Variants in ITGAE observed in about 807,000 individuals in gnomAD.
ITGAE encodes integrin subunit alpha E, also known as integrin alpha-E.
In ITGAE, 99 loss-of-function variants were observed where a neutral mutation model predicts 136.5. The ratio of observed to expected loss-of-function variants is 0.73; its 90% CI spans 0.62 to 0.86. The LOEUF (loss-of-function observed/expected upper bound fraction) is 0.86. Ranked by LOEUF, ITGAE falls within the 40% of genes least tolerant of loss-of-function variation. The probability of loss-of-function intolerance (pLI) is 0.00; values close to 1 mark genes in which losing one functional copy is unlikely to be tolerated. For synonymous variants in ITGAE, 613 were observed against 591.8 expected, an observed-to-expected ratio of 1.04 and a Z score of -0.52; for missense variants, 1,447 against 1,515.3, an observed-to-expected ratio of 0.95 and a Z score of 0.75.
intron 2 of ITGAE, among the ~76,000 whole-genome samples, chr17:3,772,467 CT>C (rs72134638): frequency 2.5e-3 from 350 of 137,336 alleles, no homozygotes; most frequent in East Asian, 4.9e-3. Flanking sequence ...GGTGAGCAGA[CT>C]TTTTTTTTTT....
chr17:3,728,237 T>G, intron 24 of ITGAE, 69 bp from the exon 25 acceptor site: 8 of 1,209,238 alleles, frequency 6.6e-6, no homozygotes, highest in Non-Finnish European at 9.9e-6. Flanking sequence ...AGGGTCTCAC[T>G]CTGTTGCCCA....
At chr17:3,724,426 T>C in intron 26 of ITGAE, 2 of 1,613,204 alleles carry the variant, frequency 1.2e-6, no homozygotes, top group Non-Finnish European at 1.7e-6. Flanking sequence ...GAGCTGGGCA[T>C]CAGTGCCTCC....
At chr17:3,772,906 C>CCA (rs1346858137) in intron 2 of ITGAE, among the ~76,000 whole-genome samples, 1 of 152,156 alleles carries the variant, frequency 6.6e-6, no homozygotes, top group Non-Finnish European at 1.5e-5. Context: ...GGTTTTCCCT[C>CCA]CACACGGGGC....
chr17:3,792,161 G>A, intron 1 of ITGAE, among the ~76,000 whole-genome samples: 1 of 152,120 alleles, frequency 6.6e-6, no homozygotes, highest in Non-Finnish European at 1.5e-5. Context: ...TGGCCCTGTT[G>A]CCCAGGCTGG....
At chr17:3,747,293 A>G (rs780465022) in intron 17 of ITGAE, among the ~76,000 whole-genome samples, 5 of 151,742 alleles carry the variant, frequency 3.3e-5, no homozygotes, top group Non-Finnish European at 7.4e-5. Flanking sequence ...ACACGTGGGC[A>G]TGGAGAAATG....
In ITGAE at chr17:3,750,462, C is replaced by A; in HGVS notation, c.1914G>T (p.Val638=). The A allele has an allele frequency of 6.2e-7, 1 of 1,614,134 alleles. No individual in the cohort carries two copies. The highest frequency in any genetic ancestry group is 1.7e-5 in the Admixed American group (1 of 60,026). Residue 638 remains valine, a synonymous_variant, in exon 16 of 31, where the codon GTG becomes GTT. Transcript: ENST00000263087. The part of the protein sequence containing the change: ...SPSQRIRAST[V]APGLQYFGMS... ...TGCCGAAGTACTGGAGTCCTGGGGCCACCGTGGAGGCTCTGATCCGCTGTG... is the reference window on the plus strand; with the variant it reads ...TGCCGAAGTACTGGAGTCCTGGGGCAACCGTGGAGGCTCTGATCCGCTGTG...
intron 2 of ITGAE, among the ~76,000 whole-genome samples, chr17:3,765,641 A>G (rs2052281341): frequency 6.6e-6 from 1 of 151,870 alleles, no homozygotes; most frequent in Non-Finnish European, 1.5e-5. Context: ...CCACAATGCC[A>G]CATCCAACGG....
In ITGAE at chr17:3,761,115, C is replaced by T. The variant is rs577003239; in HGVS notation, c.496G>A (p.Gly166Ser). The T allele has an allele frequency of 2.3e-5, 37 of 1,613,220 alleles. No individual in the cohort carries two copies. The highest frequency in any genetic ancestry group is 1.2e-4 in the South Asian group (11 of 91,078). ...GCTGTGTTCACATCGTCTTCTCCAC[C>T]GCCTTCTTTGTTGCTGTAGCAGTCT... The part of the protein sequence containing the change: ...TGDCYSNKEG[G>S]GEDDVNTARQ... The change falls in exon 6 of 31, where the codon GGT (glycine) becomes AGT (serine). Residue 166 changes from glycine (G) to serine (S), a missense_variant. Around this residue, in one of 3 missense-constraint regions of ITGAE, gnomAD observed 310 missense variants for 416.1 expected, o/e 0.74. Transcript: ENST00000263087.
intron 29 of ITGAE, among the ~76,000 whole-genome samples, chr17:3,720,003 G>A (rs771785873): frequency 6.6e-6 from 1 of 152,170 alleles, no homozygotes; most frequent in Non-Finnish European, 1.5e-5. Flanking sequence ...TAGGATTACA[G>A]GCGTGAGCCA....
chr17:3,776,077 A>ATTTT (rs1211260274), intron 2 of ITGAE, among the ~76,000 whole-genome samples: 24 of 66,258 alleles, frequency 3.6e-4, no homozygotes, highest in South Asian at 4.7e-4. Flanking sequence ...TTTTTTTTTG[A>ATTTT]GACGGAGTCT....
rs758246623 is a variant in ITGAE, at chr17:3,726,000, A to T, written c.3084+1919T>A. ...GTTGCAAGTGAGCATCATTGACTAC[A>T]CCCTGTCGCGCTTGGAACGGGATGG... On this transcript the variant is annotated intron_variant, in intron 26 of 30. Coordinates refer to ENST00000263087, the MANE Select transcript of ITGAE (RefSeq NM_002208.5). 5.0e-6 allele frequency: 8 copies of T among 1,613,732 alleles called. No homozygotes were observed. The East Asian group carries it at 1.8e-4, about 36-fold the overall frequency.
intron 14 of ITGAE, among the ~76,000 whole-genome samples, chr17:3,752,428 G>T (rs2051894182): frequency 6.6e-5 from 10 of 152,182 alleles, no homozygotes; most frequent in Admixed American, 6.5e-4. Flanking sequence ...GTGAGATCCT[G>T]GACTAAACGG....
chr17:3,731,308 C>T, intron 22 of ITGAE, 125 bp from the exon 23 acceptor site: 5 of 653,028 alleles, frequency 7.7e-6, no homozygotes, highest in East Asian at 2.8e-5. Flanking sequence ...TCACATTTTT[C>T]TAACACAGCA....
At chr17:3,796,192 T>TGTGTGTGTGTGTGTGTGTGTGTGG (rs1016303323) in intron 1 of ITGAE, among the ~76,000 whole-genome samples, 2 of 148,596 alleles carry the variant, frequency 1.3e-5, no homozygotes, top group Non-Finnish European at 3.0e-5. Flanking sequence ...TGTGTGTGTG[T>TGTGTGTGTGTGTGTGTGTGTGTGG]GGTGGGGTAG....
intron 1 of ITGAE, among the ~76,000 whole-genome samples, chr17:3,794,312 G>T (rs1369212103): frequency 9.2e-5 from 14 of 151,992 alleles, no homozygotes; most frequent in Non-Finnish European, 1.6e-4. Context: ...AGAGATGGGG[G>T]TCTTGCTATG....
chr17:3,779,414 G>C (rs1261866282), intron 1 of ITGAE, among the ~76,000 whole-genome samples: 1 of 151,590 alleles, frequency 6.6e-6, no homozygotes, highest in African/African-American at 2.4e-5. Context: ...TACAACTTCT[G>C]TGTCCCGGGT....
chr17:3,794,139 G>A (rs145496938), intron 1 of ITGAE, among the ~76,000 whole-genome samples: 1,686 of 151,750 alleles, frequency 0.011, 28 homozygotes, highest in African/African-American at 0.035. Flanking sequence ...CCACCACACC[G>A]GACTAATTTT....
intron 28 of ITGAE, chr17:3,721,798 C>T (rs1313932658): frequency 6.6e-6 from 1 of 152,128 alleles, no homozygotes; most frequent in Non-Finnish European, 1.5e-5. Flanking sequence ...GTAATCCCAG[C>T]ACTTCGGGAG....
chr17:3,771,144 G>T (rs558634076), intron 2 of ITGAE, among the ~76,000 whole-genome samples: 1 of 151,868 alleles, frequency 6.6e-6, no homozygotes, highest in South Asian at 2.1e-4. Flanking sequence ...GCACATCAGT[G>T]CTATTCATCA....
Sources: gnomAD v4.1 joint callset for allele counts (sites outside exome capture counted in the v4.1 genomes callset) on GRCh38, gnomAD v4.1.1 for gene constraint, gnomAD v4.1.1 regional missense constraint, MANE v1.5 for transcripts, NCBI Gene and HGNC (gene_info 2026-07-23, HGNC 2026-07-21) for gene names.